Variants in PIK3CD observed in about 807,000 individuals in gnomAD.
The protein encoded by PIK3CD is phosphatidylinositol 4,5-bisphosphate 3-kinase catalytic subunit delta isoform.
A neutral mutation model predicts 122.9 loss-of-function variants in PIK3CD; 20 were observed. The observed-to-expected ratio is 0.16, with a 90% confidence interval of 0.11 to 0.24. The LOEUF is 0.24. Among genes scored for constraint, PIK3CD ranks in the 10% least tolerant of loss-of-function variants. The pLI is 1.00. For synonymous variants in PIK3CD, 596 were observed against 593.4 expected (o/e 1.00, Z -0.06); for missense variants, 787 against 1,406.3 (o/e 0.56, Z 7.04).
chr1:9,682,128 G>A (rs1645778358), intron 1 of PIK3CD, among the ~76,000 whole-genome samples: 1 of 151,978 alleles, frequency 6.6e-6, no homozygotes, highest in Non-Finnish European at 1.5e-5. Context: ...TTGCCACGTT[G>A]GCCAGGCTGG....
chr1:9,705,213 G>T (rs1235523923), intron 2 of PIK3CD, among the ~76,000 whole-genome samples: 1 of 150,636 alleles, frequency 6.6e-6, no homozygotes, highest in Non-Finnish European at 1.5e-5. Context: ...GCTCATGCTT[G>T]TAATCCCAGC....
At chr1:9,663,589 AT>A (rs58047442) in intron 1 of PIK3CD, among the ~76,000 whole-genome samples, 155 of 151,648 alleles carry the variant, frequency 1.0e-3, no homozygotes, top group African/African-American at 3.7e-3. Flanking sequence ...TTTTTTTAAT[AT>A]TTTTTTATTA....
intron 2 of PIK3CD, 173 bp downstream of exon 2, chr1:9,691,744 C>G (rs1005964814): frequency 2.6e-6 from 1 of 383,592 alleles, no homozygotes; most frequent in African/African-American, 2.1e-5. Flanking sequence ...GTGCTAGGAG[C>G]GAATGAATGG....
At chr1:9,646,667 A>C in the PIK3CD span, among the ~76,000 whole-genome samples, 2 of 152,164 alleles carry the variant, frequency 1.3e-5, no homozygotes, top group Non-Finnish European at 2.9e-5. Flanking sequence ...AAAAGTCAAG[A>C]CTGAGCCAGG....
upstream of PIK3CD, among the ~76,000 whole-genome samples, chr1:9,648,911 G>T (rs184538742): frequency 9.9e-5 from 15 of 152,248 alleles, no homozygotes; most frequent in Non-Finnish European, 1.9e-4. Context: ...GACCAGCCTG[G>T]CCAACATGGT....
the PIK3CD span, among the ~76,000 whole-genome samples, chr1:9,643,704 T>G: frequency 6.6e-6 from 1 of 152,160 alleles, no homozygotes; most frequent in Non-Finnish European, 1.5e-5. Context: ...GTTCTGAAAG[T>G]TGAGCACCAT....
chr1:9,653,282 A>G (rs1644735007), intron 1 of PIK3CD: 1 of 165,390 alleles, frequency 6.0e-6, no homozygotes, highest in African/African-American at 2.4e-5. Context: ...TACCATCGGG[A>G]CATTACTCCC....
In PIK3CD at chr1:9,703,290, C is replaced by T. The variant is rs1570306263; in HGVS notation, c.-32-7134C>T. 2.0e-5 allele frequency among the ~76,000 whole-genome samples: 3 copies of T among 152,244 alleles called. No individual in the cohort carries two copies. The South Asian group carries it at 6.2e-4, about 31-fold the overall frequency. ...AGGCTGCGCCTAAGTCTCATTCCCACCTCCAAGCCAATCCCCATGGCCTGG... is the reference window on the plus strand; with the variant it reads ...AGGCTGCGCCTAAGTCTCATTCCCATCTCCAAGCCAATCCCCATGGCCTGG... On this transcript the variant is annotated intron_variant, in intron 2 of 23. Transcript: ENST00000377346.
intron 1 of PIK3CD, among the ~76,000 whole-genome samples, chr1:9,680,341 G>T (rs190056295): frequency 1.8e-4 from 28 of 152,060 alleles, no homozygotes; most frequent in Admixed American, 1.6e-3. Flanking sequence ...GCTGTGCATG[G>T]TGGCTCATGT....
chr1:9,634,437 C>T, the PIK3CD span, among the ~76,000 whole-genome samples: 1 of 152,158 alleles, frequency 6.6e-6, no homozygotes, highest in African/African-American at 2.4e-5. Flanking sequence ...GCTGGGATTA[C>T]AGGCGTGAGC....
chr1:9,660,101 C>A (rs571439587), intron 1 of PIK3CD, among the ~76,000 whole-genome samples: 1 of 152,194 alleles, frequency 6.6e-6, no homozygotes, highest in Non-Finnish European at 1.5e-5. Flanking sequence ...TTTCAGCAGA[C>A]GGGCTTTCAC....
chr1:9,675,255 G>A (rs1427940165), intron 1 of PIK3CD, among the ~76,000 whole-genome samples: 10 of 150,250 alleles, frequency 6.7e-5, no homozygotes, highest in African/African-American at 9.8e-5. Context: ...GCGTGGTAGC[G>A]GGCGCCTGTA....
intron 2 of PIK3CD, among the ~76,000 whole-genome samples, chr1:9,698,809 C>T (rs567417886): frequency 6.6e-6 from 1 of 152,234 alleles, no homozygotes; most frequent in South Asian, 2.1e-4. Flanking sequence ...GGGCCGTGAC[C>T]TAGGATGATG....
rs1013242652 is a variant in PIK3CD at position 9,727,267 on chromosome 1, G to GC, written c.*227dup. 2.6e-5 allele frequency: 15 copies of GC among 588,074 alleles called. No homozygotes were observed. Among genetic ancestry groups the GC allele is most frequent in the Admixed American group, 1.2e-4 (4 of 34,692 alleles). 36.4% of individuals were successfully genotyped at this position (588,074 alleles called of 1,614,324 possible). ...CTCCTTCATGCAGCGGCGGTGCTGG[G>GC]CCCCCCGAGGCTGCACCTGGCTCTC... On this transcript the variant is annotated 3_prime_UTR_variant, in exon 24 of 24. Transcript: ENST00000377346.
Position 9,724,755 on chromosome 1 carries a change from T to TGGG in PIK3CD, c.2865-48_2865-47insGGG. The stretch of plus-strand genomic sequence containing the variant: ...TTGGATGCAGAGCGGCCCTCTGGCC[T>TGGG]GTGGCTGGGAGTTCCCAGAGCCTCA... On this transcript the variant is annotated intron_variant, in intron 22 of 23. Coordinates refer to ENST00000377346, the MANE Select transcript of PIK3CD (RefSeq NM_005026.5). This position sits in a 1 kb window ranked among gnomAD's most constrained non-coding sequence, Gnocchi z 7.3. 1 of 1,611,326 alleles carries TGGG rather than the reference T, an allele frequency of 6.2e-7. No individual in the cohort carries two copies. Among genetic ancestry groups the TGGG allele is most frequent in the Non-Finnish European group, 8.5e-7 (1 of 1,179,630 alleles).
chr1:9,724,738 A>C lies in PIK3CD; in HGVS notation c.2865-66A>C. ...CTTGGGGAAGGGGCTGGTTGGATGCAGAGCGGCCCTCTGGCCTGTGGCTGG... is the reference window on the plus strand; with the variant it reads ...CTTGGGGAAGGGGCTGGTTGGATGCCGAGCGGCCCTCTGGCCTGTGGCTGG... On this transcript the variant is annotated intron_variant, in intron 22 of 23. Coordinates refer to ENST00000377346, the MANE Select transcript of PIK3CD (RefSeq NM_005026.5). This position sits in a 1 kb window ranked among gnomAD's most constrained non-coding sequence, Gnocchi z 7.3. 1.9e-6 allele frequency: 3 copies of C among 1,603,322 alleles called. No individual in the cohort carries two copies. The highest frequency in any genetic ancestry group is 2.6e-6 in the Non-Finnish European group (3 of 1,172,402).
intron 1 of PIK3CD, among the ~76,000 whole-genome samples, chr1:9,675,545 C>T (rs532545214): frequency 5.6e-4 from 86 of 152,226 alleles, no homozygotes; most frequent in African/African-American, 2.0e-3. Flanking sequence ...CTGCACCATG[C>T]TGCCTCCAAA....
At chr1:9,682,971 TA>T (rs931815562) in intron 1 of PIK3CD, among the ~76,000 whole-genome samples, 45 of 151,624 alleles carry the variant, frequency 3.0e-4, no homozygotes, top group African/African-American at 1.1e-3. Context: ...TAACCCATCA[TA>T]GGGGTGACCC....
intron 1 of PIK3CD, among the ~76,000 whole-genome samples, chr1:9,673,203 A>G (rs1645387970): frequency 6.7e-6 from 1 of 150,236 alleles, no homozygotes; most frequent in Admixed American, 6.7e-5. Context: ...GGCTTAACCC[A>G]TCTTCCTGCC....
Sources: gnomAD v4.1 joint callset for allele counts (sites outside exome capture counted in the v4.1 genomes callset) on GRCh38, gnomAD v4.1.1 for gene constraint, Gnocchi (gnomAD v3.1) non-coding constraint, MANE v1.5 for transcripts, NCBI Gene and HGNC (gene_info 2026-07-23, HGNC 2026-07-21) for gene names.